Variants in PI15 observed in about 807,000 individuals in gnomAD.
PI15 encodes the protein 25 kDa trypsin inhibitor.
A neutral mutation model predicts 31.0 loss-of-function variants in PI15; 18 were observed. The observed-to-expected ratio is 0.58, with a 90% confidence interval of 0.40 to 0.86. The LOEUF is 0.86. PI15 is among the 40% of genes least tolerant of loss of function. PI15 has a pLI of 0.00. For synonymous variants in PI15, 118 were observed against 119.1 expected, an observed-to-expected ratio of 0.99 and a Z score of 0.06; for missense variants, 282 against 328.1, an observed-to-expected ratio of 0.86 and a Z score of 1.09.
At chr8:74,825,606 AGT>A (rs112260565) in intron 2 of PI15, 84 bp downstream of exon 2, 20 of 1,131,482 alleles carry the variant, frequency 1.8e-5, no homozygotes, top group African/African-American at 1.6e-4. Flanking sequence ...AACGACCACG[AGT>A]GTTTATATGT....
intron 2 of PI15, among the ~76,000 whole-genome samples, chr8:74,838,173 G>A (rs1810896420): frequency 6.6e-6 from 1 of 151,508 alleles, no homozygotes; most frequent in African/African-American, 2.4e-5. Context: ...TCTAAGAAAT[G>A]TAGCGATTCA....
At chr8:74,847,492 C>T (rs1811042819) in intron 5 of PI15, among the ~76,000 whole-genome samples, 1 of 150,858 alleles carries the variant, frequency 6.6e-6, no homozygotes, top group Non-Finnish European at 1.5e-5. Flanking sequence ...ATGAATGGTA[C>T]AGGATTAGGA....
intron 5 of PI15, among the ~76,000 whole-genome samples, chr8:74,847,659 TA>T (rs1811044905): frequency 6.6e-6 from 1 of 152,206 alleles, no homozygotes; most frequent in Non-Finnish European, 1.5e-5. Flanking sequence ...TCTCATTTTG[TA>T]ATATGAATAA....
chr8:74,849,112 T>C lies in PI15; in HGVS notation c.642-6T>C. The C allele has an allele frequency of 6.2e-7, 1 of 1,610,590 alleles. No individual in the cohort carries two copies. On this transcript the variant is annotated splice_polypyrimidine_tract_variant and splice_region_variant and intron_variant, in intron 5 of 5. Coordinates refer to ENST00000260113, the MANE Select transcript of PI15 (RefSeq NM_015886.5). ...CTAATGCTATCTTTTTTGTTTTCCC[T>C]TCTAGGGGCAATTGGATTGGAGAAG...
At chr8:74,835,399 T>C (rs1321796620) in intron 2 of PI15, among the ~76,000 whole-genome samples, 1 of 152,126 alleles carries the variant, frequency 6.6e-6, no homozygotes, top group Non-Finnish European at 1.5e-5. Flanking sequence ...TCTCAAAAGT[T>C]CCCTGGGAGA....
At chr8:74,825,549 T>TA in intron 2 of PI15, 27 bp downstream of exon 2, 2 of 1,539,496 alleles carry the variant, frequency 1.3e-6, no homozygotes, top group Non-Finnish European at 8.9e-7. Context: ...TTTTTTTTTT[T>TA]AAGTTCTGAG....
chr8:74,835,527 T>C (rs1586954181), intron 2 of PI15, among the ~76,000 whole-genome samples: 1 of 152,190 alleles, frequency 6.6e-6, no homozygotes, highest in Non-Finnish European at 1.5e-5. Flanking sequence ...TCTGTCTATA[T>C]ACTGAAAGAA....
chr8:74,841,612 C>G (rs1810947420), intron 2 of PI15, among the ~76,000 whole-genome samples: 1 of 152,158 alleles, frequency 6.6e-6, no homozygotes, highest in Non-Finnish European at 1.5e-5. Flanking sequence ...CATACATGTA[C>G]TTTTTCCAAA....
intron 1 of PI15, 61 bp from the exon 2 acceptor site, chr8:74,825,149 A>T: frequency 2.2e-3 from 1,435 of 639,344 alleles, no homozygotes; most frequent in Non-Finnish European, 3.4e-3. Context: ...GTCTTTGTAA[A>T]TTCATACCCT....
At chr8:74,837,079 G>A (rs879345956) in intron 2 of PI15, among the ~76,000 whole-genome samples, 1 of 152,046 alleles carries the variant, frequency 6.6e-6, no homozygotes, top group East Asian at 1.9e-4. Context: ...TCTCTTTATA[G>A]ATAAATAAAT....
chr8:74,854,029 G>T lies in PI15; in HGVS notation c.*4776G>T, dbSNP rs1811144861. On this transcript the variant is annotated 3_prime_UTR_variant, in exon 6 of 6. Coordinates refer to ENST00000260113, the MANE Select transcript of PI15 (RefSeq NM_015886.5). ...AAATAATCAATTTCATATATAAAAG[G>T]ATTATTTCTCCACCTTTAATTATTG... 6.6e-6 allele frequency: 1 copy of T among 151,636 alleles called. No homozygotes were observed. The highest frequency in any genetic ancestry group is 6.6e-5 in the Admixed American group (1 of 15,238). 9.4% of individuals were successfully genotyped at this position (151,636 alleles called of 1,614,324 possible).
chr8:74,828,512 T>G (rs530658290), intron 2 of PI15, among the ~76,000 whole-genome samples: 1 of 152,272 alleles, frequency 6.6e-6, no homozygotes, highest in East Asian at 1.9e-4. Flanking sequence ...TATAAGTGAC[T>G]TGAATTCTCT....
In PI15 at chr8:74,843,977, A is replaced by G. The variant is rs990103308; in HGVS notation, c.274-4A>G. ...GTAACGCTGAAGATTTTTTTCCCCT[A>G]CAGGTTTGGGATGAAAATCTTGCAA... On this transcript the variant is annotated splice_region_variant and splice_polypyrimidine_tract_variant and intron_variant, in intron 2 of 5. Transcript: ENST00000260113. The G allele has an allele frequency of 4.8e-6, 7 of 1,458,706 alleles. No individual in the cohort carries two copies. Among genetic ancestry groups the G allele is most frequent in the African/African-American group, 1.4e-5 (1 of 71,878 alleles). The allele number at this position is 1,458,706 out of a possible 1,614,324, so 90.4% of individuals were successfully genotyped here. A position where few individuals can be genotyped will look rare whatever the true frequency, so the allele number is the denominator to read the frequency against.
In PI15 at chr8:74,845,233, T is replaced by C. The variant is rs180734977; in HGVS notation, c.498T>C (p.Phe166=). 3 of 1,613,788 alleles carry C rather than the reference T, an allele frequency of 1.9e-6. No homozygotes were observed. The highest frequency in any genetic ancestry group is 1.7e-5 in the Admixed American group (1 of 60,024). ...ACCCCAGATGTCCTATGAGATGTTT[T>C]GGTCCCATGTGCACACATTATACGC... ...DCNPRCPMRC[F]GPMCTHYTQM... is the part of the protein sequence containing the mutation. Residue 166 remains phenylalanine (F), a synonymous_variant, in exon 4 of 6, where the codon TTT becomes TTC. Coordinates refer to ENST00000260113, the MANE Select transcript of PI15 (RefSeq NM_015886.5).
In PI15 at chr8:74,849,297, G is replaced by A. The variant is rs774416854; in HGVS notation, c.*44G>A. The A allele has an allele frequency of 4.6e-6, 7 of 1,515,464 alleles. No homozygotes were observed. The East Asian group carries it at 1.6e-4, about 34-fold the overall frequency. 93.9% of individuals were successfully genotyped at this position (1,515,464 alleles called of 1,614,324 possible). A position where few individuals can be genotyped will look rare whatever the true frequency, so the allele number is the denominator to read the frequency against. ...GAAATATAATGATTTCTGGGAACATGGGCATGTATATATATATATGGAGAG... is the reference window on the plus strand; with the variant it reads ...GAAATATAATGATTTCTGGGAACATAGGCATGTATATATATATATGGAGAG... On this transcript the variant is annotated 3_prime_UTR_variant, in exon 6 of 6. Transcript: ENST00000260113.
intron 2 of PI15, among the ~76,000 whole-genome samples, chr8:74,842,196 A>T (rs1810955217): frequency 6.6e-6 from 1 of 152,164 alleles, no homozygotes; most frequent in South Asian, 2.1e-4. Flanking sequence ...ATAGCTACTA[A>T]TCCTTACTTA....
At position 74,845,443 on chromosome 8, in the gene PI15, T is replaced by G; in HGVS notation, c.587T>G (p.Val196Gly). Residue 196 changes from valine to glycine, a missense_variant, in exon 5 of 6, where the codon GTT becomes GGT. Val to Gly is a moderately radical substitution (Grantham distance 109). Transcript: ENST00000260113. ...ATTCATACTTGCCAAAACATGAATGTTTGGGGATCTGTGTGGCGACGTGCA... is the reference window on the plus strand; with the variant it reads ...ATTCATACTTGCCAAAACATGAATGGTTGGGGATCTGTGTGGCGACGTGCA... ...CAIHTCQNMN[V>G]WGSVWRRAVY... 1 of 1,614,102 alleles carries G rather than the reference T, an allele frequency of 6.2e-7. No individual in the cohort carries two copies. Among genetic ancestry groups the G allele is most frequent in the Non-Finnish European group, 8.5e-7 (1 of 1,179,968 alleles).
intron 2 of PI15, among the ~76,000 whole-genome samples, chr8:74,835,576 C>A (rs1394361624): frequency 6.6e-6 from 1 of 152,160 alleles, no homozygotes; most frequent in Non-Finnish European, 1.5e-5. Flanking sequence ...GGGATAATTT[C>A]CGTATTATCA....
chr8:74,849,278 T>C lies in PI15; in HGVS notation c.*25T>C. 6.3e-7 allele frequency: 1 copy of C among 1,593,254 alleles called. No individual in the cohort carries two copies. The highest frequency in any genetic ancestry group is 1.3e-5 in the African/African-American group (1 of 74,438). ...AGTTTACCTTTTCCTCCAGGAAATATAATGATTTCTGGGAACATGGGCATG... is the reference window on the plus strand; with the variant it reads ...AGTTTACCTTTTCCTCCAGGAAATACAATGATTTCTGGGAACATGGGCATG... On this transcript the variant is annotated 3_prime_UTR_variant, in exon 6 of 6. Coordinates refer to ENST00000260113, the MANE Select transcript of PI15 (RefSeq NM_015886.5).
Sources: allele counts gnomAD v4.1 joint callset (sites outside exome capture counted in the v4.1 genomes callset), GRCh38; gene constraint gnomAD v4.1.1; transcripts MANE v1.5; gene names NCBI Gene and HGNC (gene_info 2026-07-23, HGNC 2026-07-21).